Variants in FXYD7 observed in about 807,000 individuals in gnomAD.
The protein encoded by FXYD7 is FXYD domain containing ion transport regulator 7.
Under a neutral mutation model 15.3 loss-of-function variants are expected in FXYD7, and 7 were observed. The ratio of observed to expected loss-of-function variants is 0.46; its 90% confidence interval spans 0.26 to 0.86. The LOEUF is 0.86. Among genes scored for constraint, FXYD7 ranks in the 40% least tolerant of loss-of-function variants. FXYD7 has a pLI of 0.16. For synonymous variants in FXYD7, 39 were observed against 39.3 expected (o/e 0.99, Z 0.03); for missense variants, 78 against 100.6 (o/e 0.78, Z 0.96).
chr19:35,151,398 C>T (rs543751744), intron 3 of FXYD7, 42 bp from the exon 4 acceptor site: 21 of 1,609,876 alleles, frequency 1.3e-5, no homozygotes, highest in African/African-American at 5.3e-5. Flanking sequence ...ATATCCTACC[C>T]GCTATGTCCT....
Position 35,152,009 on chromosome 19 carries a change from C to T in FXYD7, c.220+336C>T, listed in dbSNP as rs113916227. 9.3e-4 allele frequency among the ~76,000 whole-genome samples: 141 copies of T among 151,100 alleles called. 1 individual carries two copies. The highest frequency in any genetic ancestry group is 3.0e-3 in the African/African-American group (125 of 41,028). On this transcript the variant is annotated intron_variant, in intron 5 of 5. Coordinates refer to ENST00000270310, the MANE Select transcript of FXYD7 (RefSeq NM_022006.2). Reference sequence around the variant, plus strand: ...CAAAAATTAGCCGGGCATGGTGGTGCGCACCTGTAATCCCAGCTACTCAGG... The same window carrying T: ...CAAAAATTAGCCGGGCATGGTGGTGTGCACCTGTAATCCCAGCTACTCAGG...
At position 35,143,472 on chromosome 19, in the gene FXYD7, G is replaced by T; in HGVS notation, c.31+108G>T. 1.1e-6 allele frequency: 1 copy of T among 883,780 alleles called. No homozygotes were observed. Among genetic ancestry groups the T allele is most frequent in the South Asian group, 2.0e-5 (1 of 50,288 alleles). The allele number at this position is 883,780 out of a possible 1,614,324, so 54.7% of individuals were successfully genotyped here. On this transcript the variant is annotated intron_variant, in intron 1 of 5. Transcript: ENST00000270310. This position sits in a 1 kb window ranked among gnomAD's most constrained non-coding sequence, Gnocchi z 4.3. ...ATGGTAAGGCAAGGGAGTTGGGGGA[G>T]GGAGGTCCGCTCCTCCTGTGGGCGG... is the stretch of plus-strand genomic sequence containing the variant.
rs1424341649 is a variant in FXYD7, at chr19:35,148,077, AAGAAAGAAAGAAAGAAAG to A, written c.32-613_32-596del. Among the ~76,000 whole-genome samples, 11 of 127,816 alleles carry A rather than the reference AAGAAAGAAAGAAAGAAAG, an allele frequency of 8.6e-5. No homozygotes were observed. In the South Asian group the frequency reaches 1.7e-3, roughly 20 times the overall value. 83.9% of individuals were successfully genotyped at this position (127,816 alleles called of 152,430 possible). The stretch of plus-strand genomic sequence containing the variant: ...AAAGAAAGAAAGAAAGAAAGAAAGA[AAGAAAGAAAGAAAGAAAG>A]AGAGAGAGAAAGAAAGAGGGGAGGG... On this transcript the variant is annotated intron_variant, in intron 1 of 5. Coordinates refer to ENST00000270310, the MANE Select transcript of FXYD7 (RefSeq NM_022006.2).
At chr19:35,150,823 C>G (rs1568406663) in intron 2 of FXYD7, among the ~76,000 whole-genome samples, 1 of 152,052 alleles carries the variant, frequency 6.6e-6, no homozygotes, top group Non-Finnish European at 1.5e-5. Context: ...GAGGAGGGCT[C>G]TGAGCAGAGG....
Position 35,145,789 on chromosome 19 carries a change from AT to A in FXYD7, c.31+2431del, listed in dbSNP as rs1396115616. Among the ~76,000 whole-genome samples the A allele has an allele frequency of 2.6e-5, 4 of 151,832 alleles. No homozygotes were observed. The East Asian group carries it at 7.7e-4, about 29-fold the overall frequency. On this transcript the variant is annotated intron_variant, in intron 1 of 5. Transcript: ENST00000270310. The stretch of plus-strand genomic sequence containing the variant: ...TAAAAGGATTAGCTTTTTTATTTTT[AT>A]TTTTTGAGACAAGGTCTCACTCTGT...
intron 2 of FXYD7, 188 bp downstream of exon 2, chr19:35,148,911 T>G (rs534053445): frequency 1.4e-6 from 1 of 724,722 alleles, no homozygotes; most frequent in East Asian, 2.6e-5. Flanking sequence ...GGAGTGGGGA[T>G]GCCTCACACT....
intron 5 of FXYD7, among the ~76,000 whole-genome samples, chr19:35,153,486 C>G (rs1409990451): frequency 6.6e-6 from 1 of 152,178 alleles, no homozygotes; most frequent in Admixed American, 6.5e-5. Context: ...CTGGTCTATC[C>G]TAGGTGAATG....
At chr19:35,151,154 C>A in intron 2 of FXYD7, 100 bp from the exon 3 acceptor site, 1 of 801,764 alleles carries the variant, frequency 1.2e-6, no homozygotes, top group Non-Finnish European at 2.3e-6. Flanking sequence ...CCTCCCTGGG[C>A]GATTCTGGGT....
chr19:35,151,350 G>C (rs1177571446), intron 3 of FXYD7, 22 bp downstream of exon 3: 1 of 1,598,054 alleles, frequency 6.3e-7, no homozygotes, highest in East Asian at 2.2e-5. Flanking sequence ...CCATTCCTGG[G>C]CTGCCTCAGC....
intron 5 of FXYD7, 63 bp downstream of exon 5, chr19:35,151,736 A>AGAAGG (rs996536186): frequency 9.8e-7 from 1 of 1,016,546 alleles, no homozygotes; most frequent in Admixed American, 1.8e-5. Flanking sequence ...GGGAACCCTC[A>AGAAGG]GAAGGGAAGT....
In FXYD7 at chr19:35,147,521, T is replaced by G. The variant is rs115568966; in HGVS notation, c.32-1173T>G. Among the ~76,000 whole-genome samples the G allele has an allele frequency of 2.8e-3, 425 of 152,280 alleles. 1 individual carries two copies. The highest frequency in any genetic ancestry group is 9.8e-3 in the African/African-American group (407 of 41,554). ...AAGGTGGGAAGTGGAGAAAAGTGAA[T>G]CCAGAGACACACACACATTTTATCC... is the stretch of plus-strand genomic sequence containing the variant. On this transcript the variant is annotated intron_variant, in intron 1 of 5. Coordinates refer to ENST00000270310, the MANE Select transcript of FXYD7 (RefSeq NM_022006.2).
In FXYD7 at chr19:35,154,012, G is replaced by A; in HGVS notation, c.*96G>A. On this transcript the variant is annotated 3_prime_UTR_variant, in exon 6 of 6. Coordinates refer to ENST00000270310, the MANE Select transcript of FXYD7 (RefSeq NM_022006.2). ...GGGGACCCAGCCGCGCGCCGGGAGCGCTCCCCGGAATGAGCCGCCCCACCC... is the reference window on the plus strand; with the variant it reads ...GGGGACCCAGCCGCGCGCCGGGAGCACTCCCCGGAATGAGCCGCCCCACCC... 2 of 1,250,608 alleles carry A rather than the reference G, an allele frequency of 1.6e-6. No homozygotes were observed. The highest frequency in any genetic ancestry group is 2.3e-6 in the Non-Finnish European group (2 of 871,310). 77.5% of individuals were successfully genotyped at this position (1,250,608 alleles called of 1,614,324 possible).
intron 5 of FXYD7, among the ~76,000 whole-genome samples, chr19:35,153,564 G>C (rs2065324663): frequency 6.6e-6 from 1 of 152,172 alleles, no homozygotes; most frequent in Non-Finnish European, 1.5e-5. Context: ...AGGGAGTGTA[G>C]GAAAGGAGTG....
rs74376951 is a variant in FXYD7 at position 35,143,514 on chromosome 19, C to G, written c.31+150C>G. On this transcript the variant is annotated intron_variant, in intron 1 of 5. Transcript: ENST00000270310. This position sits in a 1 kb window ranked among gnomAD's most constrained non-coding sequence, Gnocchi z 4.3. ...TGTGGGCGGAAGCCCCTGTAATGCG[C>G]CCCCCCGATCGCCCCTCCGGGTCTC... The G allele has an allele frequency of 1.6e-6, 1 of 612,716 alleles. No homozygotes were observed. The highest frequency in any genetic ancestry group is 2.6e-6 in the Non-Finnish European group (1 of 381,844). 38.0% of individuals were successfully genotyped at this position (612,716 alleles called of 1,614,324 possible). A position where few individuals can be genotyped will look rare whatever the true frequency, so the allele number is the denominator to read the frequency against.
intron 5 of FXYD7, 91 bp downstream of exon 5, chr19:35,151,764 C>T (rs573302966): frequency 5.7e-5 from 40 of 700,428 alleles, no homozygotes; most frequent in Non-Finnish European, 8.2e-5. Flanking sequence ...ATGGACTGGA[C>T]GCAGGGGGCG....
Position 35,143,430 on chromosome 19 carries a change from G to A in FXYD7, c.31+66G>A. The A allele has an allele frequency of 8.1e-7, 1 of 1,238,346 alleles. No homozygotes were observed. The highest frequency in any genetic ancestry group is 1.1e-6 in the Non-Finnish European group (1 of 915,996). The allele number at this position is 1,238,346 out of a possible 1,614,324, so 76.7% of individuals were successfully genotyped here. ...GATCTGAGAGCCTAGGAGAGAGGGT[G>A]TCGGGAGATTCAAGCAATGGTAAGG... On this transcript the variant is annotated intron_variant, in intron 1 of 5. Transcript: ENST00000270310. The surrounding 1 kb of genome is among the most constrained non-coding windows in gnomAD (Gnocchi z 4.3).
chr19:35,144,697 T>G (rs1405601631), intron 1 of FXYD7, among the ~76,000 whole-genome samples: 4 of 149,502 alleles, frequency 2.7e-5, no homozygotes, highest in Non-Finnish European at 5.9e-5. Context: ...GGGGCAGGGC[T>G]GAGGCAGCAG....
Position 35,148,960 on chromosome 19 carries a change from T to C in FXYD7, c.61+237T>C, listed in dbSNP as rs1481714900. Reference sequence around the variant, plus strand: ...CTTCAGGTCTCACCGGGATCTGGGCTGGTGCCTTGGTGTCGCCAGAGAAGC... The same window carrying C: ...CTTCAGGTCTCACCGGGATCTGGGCCGGTGCCTTGGTGTCGCCAGAGAAGC... On this transcript the variant is annotated intron_variant, in intron 2 of 5. Coordinates refer to ENST00000270310, the MANE Select transcript of FXYD7 (RefSeq NM_022006.2). The C allele has an allele frequency of 4.5e-6, 3 of 661,122 alleles. No individual in the cohort carries two copies. The African/African-American group carries it at 5.3e-5, about 12-fold the overall frequency. 41.0% of individuals were successfully genotyped at this position (661,122 alleles called of 1,614,324 possible).
intron 2 of FXYD7, among the ~76,000 whole-genome samples, chr19:35,149,907 C>T (rs2065303473): frequency 6.6e-6 from 1 of 152,106 alleles, no homozygotes; most frequent in African/African-American, 2.4e-5. Flanking sequence ...CTGCAATGAA[C>T]TATGATCGTG....
Sources: gnomAD v4.1 joint callset for allele counts (sites outside exome capture counted in the v4.1 genomes callset) on GRCh38, gnomAD v4.1.1 for gene constraint, Gnocchi (gnomAD v3.1) non-coding constraint, MANE v1.5 for transcripts, NCBI Gene and HGNC (gene_info 2026-07-23, HGNC 2026-07-21) for gene names.